NOXRED1: variants seen among roughly 807,000 people sequenced by gnomAD.
NOXRED1 encodes NADP dependent oxidoreductase domain containing 1, also known as NADP-dependent oxidoreductase domain-containing protein 1.
NOXRED1 carries 20 observed loss-of-function variants against 30.4 expected under a neutral mutation model. The observed-to-expected ratio is 0.66, with a 90% CI of 0.46 to 0.96. The LOEUF (loss-of-function observed/expected upper bound fraction) is 0.96, where lower values mean the gene tolerates loss of function less well. Ranked by LOEUF, NOXRED1 falls within the 40% of genes least tolerant of loss-of-function variation. NOXRED1 has a pLI of 0.00. For synonymous variants in NOXRED1, 155 were observed against 168.0 expected (o/e 0.92, Z 0.60); for missense variants, 374 against 428.0 (o/e 0.87, Z 1.11).
At chr14:77,408,914 G>C (rs202157259) in intron 2 of NOXRED1, among the ~76,000 whole-genome samples, 2 of 2,460 alleles carry the variant, frequency 8.1e-4, no homozygotes, top group African/African-American at 1.1e-3. Flanking sequence ...TTTTTTTTTG[G>C]CTAGCGATGG....
chr14:77,398,096 A>G (rs2139662969), intron 5 of NOXRED1, among the ~76,000 whole-genome samples: 1 of 152,268 alleles, frequency 6.6e-6, no homozygotes, highest in East Asian at 1.9e-4. Context: ...GCTGGAGGAG[A>G]AACCCATGAG....
chr14:77,425,009 T>C (rs1444471050), upstream of NOXRED1, among the ~76,000 whole-genome samples: 1 of 152,224 alleles, frequency 6.6e-6, no homozygotes, highest in African/African-American at 2.4e-5. Context: ...CTTCTTCAGT[T>C]GCTCACTCCT....
intron 2 of NOXRED1, among the ~76,000 whole-genome samples, chr14:77,408,709 G>A (rs1894550865): frequency 1.3e-5 from 2 of 152,082 alleles, no homozygotes; most frequent in Admixed American, 1.3e-4. Flanking sequence ...AAGTTACAGA[G>A]CTGCTGGCTT....
At chr14:77,399,523 A>G (rs919761630) in intron 5 of NOXRED1, among the ~76,000 whole-genome samples, 22 of 152,230 alleles carry the variant, frequency 1.4e-4, no homozygotes, top group African/African-American at 5.3e-4. Context: ...ACGGAAGCAG[A>G]AAGATGGAAG....
At chr14:77,419,867 A>G (rs763042172) in intron 1 of NOXRED1, among the ~76,000 whole-genome samples, 6 of 151,926 alleles carry the variant, frequency 3.9e-5, no homozygotes, top group African/African-American at 9.7e-5. Flanking sequence ...CTTGCATGTG[A>G]TAAGTTGCTT....
chr14:77,413,269 T>C (rs1307623738), intron 2 of NOXRED1, among the ~76,000 whole-genome samples: 2 of 150,848 alleles, frequency 1.3e-5, no homozygotes, highest in Non-Finnish European at 2.9e-5. Flanking sequence ...AGACGGAGTC[T>C]TACTCTATCT....
At chr14:77,400,404 T>C (rs1273847274) in intron 5 of NOXRED1, among the ~76,000 whole-genome samples, 2 of 152,232 alleles carry the variant, frequency 1.3e-5, no homozygotes, top group African/African-American at 2.4e-5. Flanking sequence ...TTTGCCGAGG[T>C]TGTGGCTATG....
chr14:77,416,364 T>C (rs1894819904), intron 1 of NOXRED1, among the ~76,000 whole-genome samples: 1 of 152,176 alleles, frequency 6.6e-6, no homozygotes. Context: ...CCACAGTGTT[T>C]GTGTCCCTGG....
chr14:77,394,645 A>G lies in NOXRED1; in HGVS notation c.1066T>C (p.Phe356Leu). The G allele has an allele frequency of 6.2e-7, 1 of 1,611,880 alleles. No homozygotes were observed. The highest frequency in any genetic ancestry group is 1.3e-5 in the African/African-American group (1 of 74,990). The change falls in exon 6 of 6, where the codon TTT (phenylalanine) becomes CTT (leucine). Residue 356 changes from phenylalanine (F) to leucine (L), a missense_variant. Phe to Leu is a conservative substitution (Grantham distance 22, BLOSUM62 0). Transcript: ENST00000380835. ...TKEQPVISTG[F>L]PSQ ...CCTGAGTTCTCTTATTGGGATGGAA[A>G]GCCTGTGGAAATGACTGGCTGTTCT...
intron 2 of NOXRED1, among the ~76,000 whole-genome samples, chr14:77,408,456 A>G (rs1678876367): frequency 6.6e-6 from 1 of 152,116 alleles, no homozygotes; most frequent in African/African-American, 2.4e-5. Flanking sequence ...TCCGCCTCCC[A>G]AAGTCCTGGG....
rs75457304 is a variant in NOXRED1, at chr14:77,423,017, G to A, written c.-128C>T. The A allele has an allele frequency of 0.028, 20,524 of 727,774 alleles. 386 individuals are homozygous for A. Among genetic ancestry groups the A allele is most frequent in the Non-Finnish European group, 0.036 (15,574 of 429,770 alleles). 45.1% of individuals were successfully genotyped at this position (727,774 alleles called of 1,614,324 possible). A position where few individuals can be genotyped will look rare whatever the true frequency, so the allele number is the denominator to read the frequency against. Reference sequence around the variant, plus strand: ...TGCCCAGGTCACAAGCACTCATGATGATGGGCTTCAGCACCTCTCTACTCC... The same window carrying A: ...TGCCCAGGTCACAAGCACTCATGATAATGGGCTTCAGCACCTCTCTACTCC... On this transcript the variant is annotated 5_prime_UTR_variant, in exon 1 of 6. Transcript: ENST00000380835.
At chr14:77,417,771 A>G (rs1475827235) in intron 1 of NOXRED1, among the ~76,000 whole-genome samples, 1 of 152,074 alleles carries the variant, frequency 6.6e-6, no homozygotes, top group African/African-American at 2.4e-5. Flanking sequence ...GGTTTAATCC[A>G]CTTACATTTA....
intron 1 of NOXRED1, among the ~76,000 whole-genome samples, chr14:77,416,858 G>C (rs1250909462): frequency 6.6e-6 from 1 of 150,764 alleles, no homozygotes; most frequent in Non-Finnish European, 1.5e-5. Flanking sequence ...CCTCCCGGAC[G>C]GGGCGGCTGG....
At chr14:77,397,567 C>T (rs1251537173) in intron 5 of NOXRED1, among the ~76,000 whole-genome samples, 1 of 152,122 alleles carries the variant, frequency 6.6e-6, no homozygotes, top group East Asian at 1.9e-4. Flanking sequence ...TTTCATGTGA[C>T]TCCGTATTTA....
At position 77,406,079 on chromosome 14, in the gene NOXRED1, T is replaced by C. The variant is rs1464465945; in HGVS notation, c.739A>G (p.Ile247Val). The C allele has an allele frequency of 6.2e-7, 1 of 1,613,932 alleles. No homozygotes were observed. The highest frequency in any genetic ancestry group is 1.7e-5 in the Admixed American group (1 of 60,004). The change falls in exon 5 of 6, where the codon ATA becomes GTA. Residue 247 changes from isoleucine to valine, a missense_variant. Coordinates refer to ENST00000380835, the MANE Select transcript of NOXRED1 (RefSeq NM_001113475.3). ...TGGGCCATGTTTCTTGCTGTGCATA[T>C]GTTTAGGGCCGCATAGAACACTCCC... ...LEGVFYAALNICTARNMAHSQ... is the reference protein window; with the variant it reads ...LEGVFYAALNVCTARNMAHSQ...
At chr14:77,415,576 G>T (rs1038880565) in intron 1 of NOXRED1, among the ~76,000 whole-genome samples, 2 of 145,784 alleles carry the variant, frequency 1.4e-5, no homozygotes, top group African/African-American at 5.1e-5. Context: ...CTCAAAAAAA[G>T]AAAATACATA....
chr14:77,405,776 AC>A, intron 5 of NOXRED1, 136 bp downstream of exon 5: 2 of 614,906 alleles, frequency 3.3e-6, no homozygotes, highest in Non-Finnish European at 5.7e-6. Context: ...TTACTTTTCC[AC>A]TAGTTGAAAT....
chr14:77,409,382 CT>C (rs933244952), intron 2 of NOXRED1, among the ~76,000 whole-genome samples: 1 of 152,164 alleles, frequency 6.6e-6, no homozygotes, highest in Admixed American at 6.6e-5. Flanking sequence ...GCACTTTCCC[CT>C]GTGTGCTCTC....
At position 77,402,994 on chromosome 14, in the gene NOXRED1, C is replaced by T. The variant is rs183961009; in HGVS notation, c.905+2919G>A. Among the ~76,000 whole-genome samples the T allele has an allele frequency of 7.2e-5, 11 of 152,024 alleles. No individual in the cohort carries two copies. The East Asian group carries it at 1.5e-3, about 21-fold the overall frequency. On this transcript the variant is annotated intron_variant, in intron 5 of 5. Coordinates refer to ENST00000380835, the MANE Select transcript of NOXRED1 (RefSeq NM_001113475.3). ...AGATCGCAGTGAGCCGAGATCACAC[C>T]ATTGCACTCCAGCTTGGGCAACAGA...
Sources: allele counts gnomAD v4.1 joint callset (sites outside exome capture counted in the v4.1 genomes callset), GRCh38; gene constraint gnomAD v4.1.1; transcripts MANE v1.5; gene names NCBI Gene and HGNC (gene_info 2026-07-23, HGNC 2026-07-21).